The following COL14A1 variants were observed in gnomAD, a reference collection of about 807,000 sequenced individuals.
The protein encoded by COL14A1 is collagen alpha-1(XIV) chain.
In COL14A1, 136 loss-of-function variants were observed where a neutral mutation model predicts 230.3. The observed-to-expected ratio is 0.59, with a 90% CI of 0.51 to 0.68. The LOEUF (loss-of-function observed/expected upper bound fraction) is 0.68. Ranked by LOEUF, COL14A1 falls within the 30% of genes least tolerant of loss-of-function variation. The probability of loss-of-function intolerance (pLI) is 0.00; values close to 1 mark genes in which losing one functional copy is unlikely to be tolerated. For missense variants in COL14A1, 1,976 were observed against 2,215.8 expected (o/e 0.89, Z 2.17); for synonymous variants, 792 against 784.1 (o/e 1.01, Z -0.17).
chr8:120,269,804 C>G (rs1415060409), intron 25 of COL14A1, among the ~76,000 whole-genome samples: 1 of 151,628 alleles, frequency 6.6e-6, no homozygotes. Flanking sequence ...TCTATTTCCA[C>G]ACGGATAATA....
At chr8:120,175,842 C>T (rs559694122) in intron 5 of COL14A1, among the ~76,000 whole-genome samples, 3 of 152,180 alleles carry the variant, frequency 2.0e-5, no homozygotes, top group Non-Finnish European at 2.9e-5. Context: ...AATGCTTTTC[C>T]GAGGACAACT....
At chr8:120,217,665 G>A (rs1402288816) in intron 14 of COL14A1, among the ~76,000 whole-genome samples, 1 of 152,076 alleles carries the variant, frequency 6.6e-6, no homozygotes, top group Non-Finnish European at 1.5e-5. Context: ...TAAATCTTGA[G>A]AGTAAATAAT....
Position 120,315,571 on chromosome 8 carries a change from C to A in COL14A1, c.4590C>A (p.Gly1530=). The A allele has an allele frequency of 6.2e-7, 1 of 1,613,322 alleles. No individual in the cohort carries two copies. The highest frequency in any genetic ancestry group is 1.3e-5 in the African/African-American group (1 of 74,976). ...AAAAAGGAGAGAAAGGAGATACTGG[C>A]CTTCCAGGTCCACAGGTATTATTTT... ...PGEKGEKGDT[G]LPGPQGIPGG... Residue 1530 remains glycine (G), a synonymous_variant, in exon 39 of 48, where the codon GGC becomes GGA. Transcript: ENST00000297848.
At chr8:120,219,018 A>G (rs998146705) in intron 14 of COL14A1, among the ~76,000 whole-genome samples, 1 of 151,080 alleles carries the variant, frequency 6.6e-6, no homozygotes, top group African/African-American at 2.4e-5. Context: ...AAATTTTCTT[A>G]TATATCAGTT....
At position 120,255,241 on chromosome 8, in the gene COL14A1, G is replaced by A. The variant is rs1334540292; in HGVS notation, c.2754G>A (p.Leu918=). Residue 918 remains leucine (L), a splice_region_variant and synonymous_variant, in exon 23 of 48, where the codon TTG becomes TTA. Coordinates refer to ENST00000297848, the MANE Select transcript of COL14A1 (RefSeq NM_021110.4). ...AGTTATGTTTCTATTTCATTCCAGT[G>A]TTCTTGGGTGTTACCAATCTCCAAG... ...SDALTGMVKT[L]FLGVTNLQAK... 5 of 1,611,274 alleles carry A rather than the reference G, an allele frequency of 3.1e-6. No homozygotes were observed. The highest frequency in any genetic ancestry group is 4.2e-6 in the Non-Finnish European group (5 of 1,177,512).
Position 120,133,148 on chromosome 8 carries a change from G to A in COL14A1, c.-38+7808G>A, listed in dbSNP as rs533917154. On this transcript the variant is annotated intron_variant, in intron 1 of 47. Coordinates refer to ENST00000297848, the MANE Select transcript of COL14A1 (RefSeq NM_021110.4). ...GGAGAATGGCGTGAACCCGGGAGGCGGAGCTTGCAGTGAGTTGAGATCGCG... is the reference window on the plus strand; with the variant it reads ...GGAGAATGGCGTGAACCCGGGAGGCAGAGCTTGCAGTGAGTTGAGATCGCG... Among the ~76,000 whole-genome samples the A allele has an allele frequency of 1.5e-3, 225 of 151,644 alleles. 1 individual carries two copies. Among genetic ancestry groups the A allele is most frequent in the African/African-American group, 4.9e-3 (204 of 41,372 alleles).
At chr8:120,336,236 C>G (rs1822067604) in intron 42 of COL14A1, among the ~76,000 whole-genome samples, 1 of 152,066 alleles carries the variant, frequency 6.6e-6, no homozygotes. Flanking sequence ...GCAAATTGCT[C>G]TGAAAGCTCC....
intron 8 of COL14A1, among the ~76,000 whole-genome samples, chr8:120,201,961 T>G (rs550673175): frequency 6.6e-6 from 1 of 152,194 alleles, no homozygotes. Flanking sequence ...AAGTCCAAAC[T>G]TGTTGGATTC....
rs757983290 is a variant in COL14A1 at position 120,280,728 on chromosome 8, A to G, written c.3664A>G (p.Lys1222Glu). Residue 1222 changes from lysine to glutamate, a missense_variant, in exon 30 of 48, where the codon AAG (lysine) becomes GAG (glutamate). Transcript: ENST00000297848. ...TASATCPVVH[K>E]DGIDLAGFKM... The stretch of plus-strand genomic sequence containing the variant: ...TTTTCCAGCCTGTCCAGTGGTACAC[A>G]AGGATGGCATTGATCTTGCAGGTAT... 6.2e-7 allele frequency: 1 copy of G among 1,613,556 alleles called. No homozygotes were observed. Among genetic ancestry groups the G allele is most frequent in the African/African-American group, 1.3e-5 (1 of 75,036 alleles).
intron 29 of COL14A1, 34 bp downstream of exon 29, chr8:120,280,133 G>C: frequency 6.2e-7 from 1 of 1,610,856 alleles, no homozygotes; most frequent in Non-Finnish European, 8.5e-7. Context: ...TACTCATGTT[G>C]CTTAACAGCT....
chr8:120,260,575 A>G lies in COL14A1; in HGVS notation c.2870-2293A>G, dbSNP rs113451986. Among the ~76,000 whole-genome samples the G allele has an allele frequency of 8.2e-3, 1,244 of 152,314 alleles. 23 individuals carry two copies. The highest frequency in any genetic ancestry group is 0.028 in the African/African-American group (1,166 of 41,564). ...CACTAGTTTTTCAGCCCCTAGAAAT[A>G]AAGCGTTATGAGGCTTTGATTAAAC... On this transcript the variant is annotated intron_variant, in intron 23 of 47. Coordinates refer to ENST00000297848, the MANE Select transcript of COL14A1 (RefSeq NM_021110.4).
intron 40 of COL14A1, among the ~76,000 whole-genome samples, chr8:120,327,840 C>T (rs1038779770): frequency 3.3e-5 from 5 of 151,502 alleles, no homozygotes; most frequent in Admixed American, 1.3e-4. Context: ...TCTTGGCTCA[C>T]TGCAACCTCC....
At chr8:120,213,744 A>G (rs185799363) in intron 13 of COL14A1, among the ~76,000 whole-genome samples, 5 of 152,274 alleles carry the variant, frequency 3.3e-5, no homozygotes, top group African/African-American at 1.2e-4. Context: ...CCTTCCCATG[A>G]TTAGCAAAAA....
At chr8:120,263,038 GAT>G in intron 24 of COL14A1, 24 bp downstream of exon 24, 1 of 1,565,696 alleles carries the variant, frequency 6.4e-7, no homozygotes, top group East Asian at 2.3e-5. Context: ...GTTCTCTCCT[GAT>G]CCCTCTCCCC....
intron 34 of COL14A1, 110 bp downstream of exon 34, chr8:120,289,876 A>G (rs1308901014): frequency 9.2e-7 from 1 of 1,087,470 alleles, no homozygotes; most frequent in African/African-American, 1.6e-5. Context: ...GAATGGATAA[A>G]TGGATGGATG....
intron 31 of COL14A1, among the ~76,000 whole-genome samples, chr8:120,282,064 C>A (rs1303290956): frequency 2.0e-5 from 3 of 152,176 alleles, no homozygotes; most frequent in African/African-American, 7.2e-5. Context: ...CACCCACTAA[C>A]TTGTCACTTG....
At chr8:120,197,057 T>C in intron 6 of COL14A1, 111 bp downstream of exon 6, 1 of 1,002,888 alleles carries the variant, frequency 1.0e-6, no homozygotes, top group South Asian at 1.6e-5. Flanking sequence ...GATTGCAGGA[T>C]ACTCATGGTC....
intron 23 of COL14A1, among the ~76,000 whole-genome samples, chr8:120,258,215 G>A (rs1034401278): frequency 6.6e-6 from 1 of 152,134 alleles, no homozygotes; most frequent in African/African-American, 2.4e-5. Context: ...ATAAAGTCTT[G>A]CTCCTTCTTG....
intron 5 of COL14A1, among the ~76,000 whole-genome samples, chr8:120,172,334 A>T (rs1816121011): frequency 6.6e-6 from 1 of 152,016 alleles, no homozygotes; most frequent in Non-Finnish European, 1.5e-5. Context: ...TATTTTTAGT[A>T]GACATGGGGT....
Sources: gnomAD v4.1 joint callset for allele counts (sites outside exome capture counted in the v4.1 genomes callset) on GRCh38, gnomAD v4.1.1 for gene constraint, MANE v1.5 for transcripts, NCBI Gene and HGNC (gene_info 2026-07-23, HGNC 2026-07-21) for gene names.